Variants in LINS1 observed in about 807,000 individuals in gnomAD.
LINS1 encodes lines homolog 1, also known as protein Lines homolog 1.
LINS1 carries 27 observed loss-of-function variants against 41.6 expected under a neutral mutation model. The observed-to-expected ratio is 0.65, with a 90% CI of 0.48 to 0.89. LINS1 has a LOEUF of 0.89. Ranked by LOEUF, LINS1 falls within the 40% of genes least tolerant of loss-of-function variation. LINS1 has a pLI of 0.00. For missense variants in LINS1, 955 were observed against 884.1 expected, an observed-to-expected ratio of 1.08 and a Z score of -1.02; for synonymous variants, 336 against 312.9, an observed-to-expected ratio of 1.07 and a Z score of -0.78.
chr15:100,575,424 A>G (rs536053105), intron 3 of LINS1, among the ~76,000 whole-genome samples: 56 of 152,366 alleles, frequency 3.7e-4, no homozygotes, highest in Non-Finnish European at 6.5e-4. Context: ...AAAGAGACAA[A>G]GAAGACCATT....
At position 100,569,422 on chromosome 15, in the gene LINS1, A is replaced by C; in HGVS notation, c.2090T>G (p.Val697Gly). 2 of 1,614,154 alleles carry C rather than the reference A, an allele frequency of 1.2e-6. No individual in the cohort carries two copies. The highest frequency in any genetic ancestry group is 1.7e-6 in the Non-Finnish European group (2 of 1,180,016). The change falls in exon 7 of 7, where the codon GTA (valine) becomes GGA (glycine). Residue 697 changes from valine to glycine, a missense_variant. Val to Gly is a moderately radical substitution (Grantham distance 109). Transcript: ENST00000314742. Reference sequence around the variant, plus strand: ...TTCAGAGACGACATCATTTGGGGCTACTTCACAATCAAAGGAGAAGGCAGT... The same window carrying C: ...TTCAGAGACGACATCATTTGGGGCTCCTTCACAATCAAAGGAGAAGGCAGT... ...FDTAFSFDCE[V>G]APNDVVSEVG...
In LINS1 at chr15:100,571,974, C is replaced by T. The variant is rs752833807; in HGVS notation, c.1314G>A (p.Leu438=). 5 of 1,614,100 alleles carry T rather than the reference C, an allele frequency of 3.1e-6. No homozygotes were observed. The highest frequency in any genetic ancestry group is 1.3e-5 in the African/African-American group (1 of 74,928). The change falls in exon 6 of 7, where the codon CTG becomes CTA. Residue 438 remains leucine, a synonymous_variant. Transcript: ENST00000314742. ...SLQLHNPCKW[L]SRVFIEQDDD... The stretch of plus-strand genomic sequence containing the variant: ...CGTCTTGTTCTATGAAAACCCGAGA[C>T]AGCCATTTGCACGGATTGTGTAATT...
intron 1 of LINS1, 28 bp downstream of exon 1, chr15:100,602,093 A>T (rs1003510455): frequency 2.0e-5 from 3 of 152,338 alleles, no homozygotes; most frequent in Non-Finnish European, 2.9e-5. Flanking sequence ...CCCTGCTGCC[A>T]GCACGGCGGC....
At chr15:100,591,344 T>C (rs2141346812) in intron 1 of LINS1, among the ~76,000 whole-genome samples, 1 of 152,324 alleles carries the variant, frequency 6.6e-6, no homozygotes, top group African/African-American at 2.4e-5. Context: ...CACCATAACC[T>C]ATGAATCATG....
At chr15:100,592,272 G>A (rs187257046) in intron 1 of LINS1, among the ~76,000 whole-genome samples, 1 of 152,284 alleles carries the variant, frequency 6.6e-6, no homozygotes, top group East Asian at 1.9e-4. Flanking sequence ...TATGTTTTGT[G>A]TGTCTTCCCT....
At position 100,580,638 on chromosome 15, in the gene LINS1, T is replaced by C. The variant is rs753685087; in HGVS notation, c.205A>G (p.Ile69Val). 11 of 1,613,948 alleles carry C rather than the reference T, an allele frequency of 6.8e-6. No homozygotes were observed. In the East Asian group the frequency reaches 1.6e-4, roughly 23 times the overall value. Residue 69 changes from isoleucine to valine, a missense_variant, in exon 2 of 7, where the codon ATT becomes GTT. Physicochemically the swap from Ile to Val is conservative, Grantham distance 29. Transcript: ENST00000314742. Reference protein sequence around the residue: ...HQPISVGVAPIAVAPVCLKTN... With the variant: ...HQPISVGVAPVAVAPVCLKTN... ...TTCAAACACACAGGTGCTACAGCAA[T>C]GGGAGCCACACCAACAGAGATGGGC...
intron 1 of LINS1, among the ~76,000 whole-genome samples, chr15:100,583,235 G>A (rs1338364480): frequency 6.6e-6 from 1 of 151,490 alleles, no homozygotes; most frequent in Non-Finnish European, 1.5e-5. Context: ...TCTACACTAT[G>A]GCCCACTAGC....
chr15:100,570,932 C>G (rs1485658982), intron 6 of LINS1, among the ~76,000 whole-genome samples: 1 of 152,228 alleles, frequency 6.6e-6, no homozygotes. Context: ...GAAATTCACA[C>G]ACAAAGTCAG....
intron 6 of LINS1, chr15:100,570,563 TC>T (rs1451559173): frequency 3.2e-5 from 5 of 154,966 alleles, no homozygotes; most frequent in Non-Finnish European, 5.7e-5. Context: ...TAATCAGGTC[TC>T]CCCTGGGACT....
Position 100,582,597 on chromosome 15 carries a change from T to G in LINS1, c.-103-1652A>C, listed in dbSNP as rs538686881. 8.9e-4 allele frequency among the ~76,000 whole-genome samples: 127 copies of G among 142,688 alleles called. 2 individuals are homozygous for G. The highest frequency in any genetic ancestry group is 1.6e-3 in the Admixed American group (22 of 14,172). The allele number at this position is 142,688 out of a possible 152,430, so 93.6% of individuals were successfully genotyped here. ...TTGGTCTTATACTGGGTCTTCCATC[T>G]ACAACATGGCCCACTAGCCTAGTCT... On this transcript the variant is annotated intron_variant, in intron 1 of 6. Transcript: ENST00000314742.
chr15:100,590,038 C>A (rs2141343151), intron 1 of LINS1, among the ~76,000 whole-genome samples: 1 of 152,266 alleles, frequency 6.6e-6, no homozygotes, highest in African/African-American at 2.4e-5. Context: ...AATCTCACAA[C>A]TGAGGAGGGT....
intron 5 of LINS1, chr15:100,572,786 T>C: frequency 1.0e-6 from 1 of 970,466 alleles, no homozygotes; most frequent in Non-Finnish European, 1.2e-6. Context: ...CCTGAGTTAC[T>C]ATTCTGGAAA....
Position 100,571,955 on chromosome 15 carries a change from G to T in LINS1, c.1333C>A (p.Gln445Lys). 5.6e-6 allele frequency: 9 copies of T among 1,614,154 alleles called. No homozygotes were observed. Among genetic ancestry groups the T allele is most frequent in the Non-Finnish European group, 6.8e-6 (8 of 1,180,026 alleles). ...GCAGCCTCCAGCATGTCATCGTCTT[G>T]TTCTATGAAAACCCGAGACAGCCAT... ...CKWLSRVFIE[Q>K]DDDMLEAAKA... The change falls in exon 6 of 7, where the codon CAA becomes AAA. Residue 445 changes from glutamine to lysine, a missense_variant. By Grantham distance (53) the Gln-to-Lys change is moderately conservative. Coordinates refer to ENST00000314742, the MANE Select transcript of LINS1 (RefSeq NM_001040616.3).
chr15:100,595,468 C>T (rs989244088), intron 1 of LINS1, among the ~76,000 whole-genome samples: 4 of 152,068 alleles, frequency 2.6e-5, no homozygotes, highest in Admixed American at 1.3e-4. Context: ...TATGAATTAA[C>T]ACTACAGTGA....
chr15:100,571,802 G>A lies in LINS1; in HGVS notation c.1394+92C>T, dbSNP rs570597519. The A allele has an allele frequency of 5.9e-5, 85 of 1,443,064 alleles. No homozygotes were observed. The East Asian group carries it at 1.9e-3, about 32-fold the overall frequency. The allele number at this position is 1,443,064 out of a possible 1,614,324, so 89.4% of individuals were successfully genotyped here. A position where few individuals can be genotyped will look rare whatever the true frequency, so the allele number is the denominator to read the frequency against. On this transcript the variant is annotated intron_variant, in intron 6 of 6. Transcript: ENST00000314742. Reference sequence around the variant, plus strand: ...AACAGGATGTTTTCCCCCAAATGATGAAAGTAAGCAACACGCCCAGCACAT... The same window carrying A: ...AACAGGATGTTTTCCCCCAAATGATAAAAGTAAGCAACACGCCCAGCACAT...
At chr15:100,579,639 A>G (rs1246025504) in intron 3 of LINS1, among the ~76,000 whole-genome samples, 1 of 152,202 alleles carries the variant, frequency 6.6e-6, no homozygotes, top group Non-Finnish European at 1.5e-5. Context: ...AAGAGATTAT[A>G]GTTGAAAAGT....
In LINS1 at chr15:100,574,138, T is replaced by C. The variant is rs755252515; in HGVS notation, c.735A>G (p.Ile245Met). Residue 245 changes from isoleucine (I) to methionine (M), a missense_variant, in exon 5 of 7, where the codon ATA becomes ATG. By Grantham distance (10) the Ile-to-Met change is conservative. Transcript: ENST00000314742. Reference sequence around the variant, plus strand: ...CCAGGAAACACATCAGGATGTTTACTATTTTAGAAGTATCCCGGCAGTTTT... The same window carrying C: ...CCAGGAAACACATCAGGATGTTTACCATTTTAGAAGTATCCCGGCAGTTTT... ...HFENCRDTSK[I>M]VNILMCFLDL... 9.3e-6 allele frequency: 15 copies of C among 1,613,992 alleles called. No homozygotes were observed. Among genetic ancestry groups the C allele is most frequent in the Admixed American group, 3.3e-5 (2 of 60,030 alleles).
At chr15:100,572,854 A>C (rs1318534068) in intron 5 of LINS1, 3 of 791,304 alleles carry the variant, frequency 3.8e-6, no homozygotes, top group Non-Finnish European at 4.6e-6. Flanking sequence ...CTTTAATTCA[A>C]TATCTAATTT....
At chr15:100,573,358 T>C (rs1327731159) in intron 5 of LINS1, 2 of 1,234,340 alleles carry the variant, frequency 1.6e-6, no homozygotes, top group East Asian at 6.2e-5. Flanking sequence ...CTGTAAATAC[T>C]TGAATATGAA....
Sources: allele counts gnomAD v4.1 joint callset (sites outside exome capture counted in the v4.1 genomes callset), GRCh38; gene constraint gnomAD v4.1.1; transcripts MANE v1.5; gene names NCBI Gene and HGNC (gene_info 2026-07-23, HGNC 2026-07-21).